The following MTDH variants were observed in gnomAD, a reference collection of about 807,000 sequenced individuals.
The protein encoded by MTDH is protein LYRIC.
MTDH carries 34 observed loss-of-function variants against 72.7 expected under a neutral mutation model. The observed-to-expected ratio is 0.47, with a 90% CI of 0.36 to 0.62. MTDH has a LOEUF of 0.62. Ranked by LOEUF, MTDH falls within the 20% of genes least tolerant of loss-of-function variation. MTDH has a pLI of 0.00. For missense variants in MTDH, 677 were observed against 699.4 expected, an observed-to-expected ratio of 0.97 and a Z score of 0.36; for synonymous variants, 266 against 268.9, an observed-to-expected ratio of 0.99 and a Z score of 0.10.
Position 97,726,193 on chromosome 8 carries a change from T to C in MTDH, c.*1523T>C, listed in dbSNP as rs1240265080. 6.5e-6 allele frequency: 1 copy of C among 152,690 alleles called. No individual in the cohort carries two copies. Among genetic ancestry groups the C allele is most frequent in the Non-Finnish European group, 1.5e-5 (1 of 68,052 alleles). The allele number at this position is 152,690 out of a possible 1,614,324, so 9.5% of individuals were successfully genotyped here. On this transcript the variant is annotated 3_prime_UTR_variant, in exon 12 of 12. Transcript: ENST00000336273. Reference sequence around the variant, plus strand: ...GGACAGCTTTCCTAACAAGAGATTATTAACTTTTATCAGGTGTTAACATCT... The same window carrying C: ...GGACAGCTTTCCTAACAAGAGATTACTAACTTTTATCAGGTGTTAACATCT...
intron 2 of MTDH, among the ~76,000 whole-genome samples, chr8:97,669,677 G>A (rs1586222006): frequency 1.3e-5 from 2 of 152,050 alleles, no homozygotes; most frequent in East Asian, 3.9e-4. Flanking sequence ...AGCACTTTGG[G>A]AGGCCGAGGC....
At position 97,697,447 on chromosome 8, in the gene MTDH, G is replaced by T. The variant is rs547707410; in HGVS notation, c.1049-2307G>T. On this transcript the variant is annotated intron_variant, in intron 6 of 11. Transcript: ENST00000336273. ...TGTTGCCAGGCTGGAGTGCAGTGGC[G>T]CAATCTCGGCTCACGGCAACCTCCG... 9.2e-5 allele frequency among the ~76,000 whole-genome samples: 13 copies of T among 140,612 alleles called. No homozygotes were observed. In the East Asian group the frequency reaches 1.1e-3, roughly 12 times the overall value. The allele number at this position is 140,612 out of a possible 152,430, so 92.2% of individuals were successfully genotyped here. A position where few individuals can be genotyped will look rare whatever the true frequency, so the allele number is the denominator to read the frequency against.
intron 2 of MTDH, among the ~76,000 whole-genome samples, chr8:97,665,897 C>T (rs1291507546): frequency 1.1e-4 from 17 of 152,196 alleles, no homozygotes; most frequent in Admixed American, 1.0e-3. Context: ...GAGGCAGAGG[C>T]GGGCGGATTA....
chr8:97,680,328 C>T (rs1450935278), intron 2 of MTDH, among the ~76,000 whole-genome samples: 2 of 152,116 alleles, frequency 1.3e-5, no homozygotes, highest in African/African-American at 2.4e-5. Context: ...CACCTCAGCC[C>T]CTCCAAAGTG....
Position 97,724,624 on chromosome 8 carries a change from C to T in MTDH, c.1703C>T (p.Ser568Phe). 1 of 1,592,396 alleles carries T rather than the reference C, an allele frequency of 6.3e-7. No individual in the cohort carries two copies. The highest frequency in any genetic ancestry group is 8.5e-7 in the Non-Finnish European group (1 of 1,175,150). The change falls in exon 12 of 12, where the codon TCT (serine) becomes TTT (phenylalanine). Residue 568 changes from serine to phenylalanine, a missense_variant. Around this residue, in one of 3 missense-constraint regions of MTDH, gnomAD observed 201 missense variants for 204.5 expected, o/e 0.98. Transcript: ENST00000336273. ...GCCAAGTCTGAAACTAGCTGGGAATCTCCCAAACAAATAAAAAAGAAGAAA... is the reference window on the plus strand; with the variant it reads ...GCCAAGTCTGAAACTAGCTGGGAATTTCCCAAACAAATAAAAAAGAAGAAA... ...SQTKSETSWE[S>F]PKQIKKKKKA...
intron 2 of MTDH, among the ~76,000 whole-genome samples, chr8:97,665,761 A>G (rs1241922889): frequency 6.6e-6 from 1 of 152,194 alleles, no homozygotes; most frequent in Non-Finnish European, 1.5e-5. Context: ...TAGGGTAGGG[A>G]TGTGATAAAA....
In MTDH at chr8:97,660,526, T is replaced by C. The variant is rs370652551; in HGVS notation, c.382-546T>C. On this transcript the variant is annotated intron_variant, in intron 1 of 11. Coordinates refer to ENST00000336273, the MANE Select transcript of MTDH (RefSeq NM_178812.4). ...ATGGCCCATAAAACCTAAAATAGTT[T>C]CTGTTTTGTTTTGTTTTTGCTGAGG... 2.0e-5 allele frequency among the ~76,000 whole-genome samples: 3 copies of C among 152,304 alleles called. 1 individual carries two copies.
intron 2 of MTDH, among the ~76,000 whole-genome samples, chr8:97,684,282 A>T (rs1813271286): frequency 6.6e-6 from 1 of 152,154 alleles, no homozygotes; most frequent in Non-Finnish European, 1.5e-5. Context: ...TGTTGAAATG[A>T]CAGTATTATA....
intron 2 of MTDH, among the ~76,000 whole-genome samples, chr8:97,667,432 A>G (rs780638638): frequency 1.3e-5 from 2 of 152,252 alleles, no homozygotes; most frequent in Non-Finnish European, 2.9e-5. Context: ...GAAATGGAAT[A>G]TATGCATAAA....
At chr8:97,671,110 C>T (rs1166367194) in intron 2 of MTDH, among the ~76,000 whole-genome samples, 10 of 151,986 alleles carry the variant, frequency 6.6e-5, no homozygotes, top group African/African-American at 1.2e-4. Flanking sequence ...GGACTACAGG[C>T]GCCCACCACC....
rs140570081 is a variant in MTDH at position 97,716,260 on chromosome 8, C to T, written c.1380+2491C>T. Among the ~76,000 whole-genome samples, 808 of 152,098 alleles carry T rather than the reference C, an allele frequency of 5.3e-3. 5 individuals are homozygous for T. Among genetic ancestry groups the T allele is most frequent in the African/African-American group, 0.017 (716 of 41,474 alleles). On this transcript the variant is annotated intron_variant, in intron 9 of 11. Transcript: ENST00000336273. ...CATTAACCGGGCATGGTTGCATGCA[C>T]CTGTAATCCCAGCTACTCGGGAGGC... is the stretch of plus-strand genomic sequence containing the variant.
intron 2 of MTDH, among the ~76,000 whole-genome samples, chr8:97,667,382 A>G (rs1338855914): frequency 2.0e-5 from 3 of 152,252 alleles, no homozygotes; most frequent in African/African-American, 7.2e-5. Context: ...ATCTTTATTA[A>G]ATCTCAGTTC....
At position 97,688,310 on chromosome 8, in the gene MTDH, G is replaced by A. The variant is rs540614666; in HGVS notation, c.745+705G>A. Among the ~76,000 whole-genome samples the A allele has an allele frequency of 2.2e-4, 33 of 152,150 alleles. No individual in the cohort carries two copies. In the South Asian group the frequency reaches 5.2e-3, roughly 24 times the overall value. On this transcript the variant is annotated intron_variant, in intron 4 of 11. Transcript: ENST00000336273. ...GACCTTCCCACCTCCCCACACCTCAGTTGTTTCCAAACCATTTTCTTAGCC... is the reference window on the plus strand; with the variant it reads ...GACCTTCCCACCTCCCCACACCTCAATTGTTTCCAAACCATTTTCTTAGCC...
At chr8:97,718,947 C>G in intron 9 of MTDH, 102 bp from the exon 10 acceptor site, 1 of 1,087,076 alleles carries the variant, frequency 9.2e-7, no homozygotes, top group East Asian at 2.7e-5. Context: ...TCACCCACCT[C>G]CGCCTCCCAG....
intron 6 of MTDH, among the ~76,000 whole-genome samples, chr8:97,692,902 G>C (rs577427487): frequency 1.3e-4 from 20 of 150,648 alleles, no homozygotes; most frequent in Non-Finnish European, 2.8e-4. Context: ...GCTAATTTTT[G>C]TATTTTTTTA....
rs57430782 is a variant in MTDH at position 97,677,004 on chromosome 8, CAAA to C, written c.484-9645_484-9643del. Among the ~76,000 whole-genome samples the C allele has an allele frequency of 9.0e-4, 21 of 23,318 alleles. 1 individual carries two copies. The highest frequency in any genetic ancestry group is 3.0e-3 in the South Asian group (1 of 328). The allele number at this position is 23,318 out of a possible 152,430, so 15.3% of individuals were successfully genotyped here. On this transcript the variant is annotated intron_variant, in intron 2 of 11. Coordinates refer to ENST00000336273, the MANE Select transcript of MTDH (RefSeq NM_178812.4). ...TGGGCGACAGAGTGAGACTCTATCTCAAAAAAAAAAAAAAAAAAAAATACAAAA... is the reference window on the plus strand; with the variant it reads ...TGGGCGACAGAGTGAGACTCTATCTCAAAAAAAAAAAAAAAAAATACAAAA...
At chr8:97,658,726 A>G (rs1812067831) in intron 1 of MTDH, among the ~76,000 whole-genome samples, 2 of 152,194 alleles carry the variant, frequency 1.3e-5, no homozygotes, top group Non-Finnish European at 2.9e-5. Context: ...TATAGAACTG[A>G]AGCTGCAAGA....
intron 9 of MTDH, among the ~76,000 whole-genome samples, chr8:97,714,288 A>T (rs570838080): frequency 6.6e-6 from 1 of 152,124 alleles, no homozygotes; most frequent in Admixed American, 6.6e-5. Context: ...CTGGGGGAAA[A>T]AAAGTAAATT....
chr8:97,648,941 T>C (rs1294352396), intron 1 of MTDH, among the ~76,000 whole-genome samples: 1 of 152,232 alleles, frequency 6.6e-6, no homozygotes. Flanking sequence ...AAGTGGAAAG[T>C]GGCTGTTTGC....
Sources: allele counts gnomAD v4.1 joint callset (sites outside exome capture counted in the v4.1 genomes callset), GRCh38; gene constraint gnomAD v4.1.1; regional missense constraint gnomAD v4.1.1; transcripts MANE v1.5; gene names NCBI Gene and HGNC (gene_info 2026-07-23, HGNC 2026-07-21).